The following CSTF3 variants were observed in gnomAD, a reference collection of about 807,000 sequenced individuals.
The protein encoded by CSTF3 is CF-1 77 kDa subunit.
In CSTF3, 29 loss-of-function variants were observed where a neutral mutation model predicts 105.8. The observed-to-expected ratio is 0.27, with a 90% confidence interval of 0.20 to 0.37. CSTF3 has a LOEUF of 0.37. CSTF3 is among the 10% of genes least tolerant of loss of function. CSTF3 has a pLI of 1.00. For missense variants in CSTF3, 357 were observed against 879.3 expected, an observed-to-expected ratio of 0.41 and a Z score of 7.51; for synonymous variants, 252 against 281.9, an observed-to-expected ratio of 0.89 and a Z score of 1.06.
At chr11:33,146,773 A>G (rs1355384019) in intron 1 of CSTF3, among the ~76,000 whole-genome samples, 3 of 152,168 alleles carry the variant, frequency 2.0e-5, no homozygotes, top group Admixed American at 6.6e-5. Context: ...ATATTCACTC[A>G]GTGCCTAGTA....
chr11:33,105,256 T>C (rs920574562), intron 8 of CSTF3, among the ~76,000 whole-genome samples: 4 of 152,218 alleles, frequency 2.6e-5, no homozygotes, highest in Admixed American at 1.3e-4. Context: ...AAAGGTACTA[T>C]TGGAAACATA....
At chr11:33,093,108 A>G (rs1270573266) in intron 15 of CSTF3, among the ~76,000 whole-genome samples, 1 of 152,222 alleles carries the variant, frequency 6.6e-6, no homozygotes, top group African/African-American at 2.4e-5. Flanking sequence ...AGAAAAATTA[A>G]CCCAGCAGAG....
chr11:33,113,206 A>AAAATAAATAAATAAATAAATAAAT, intron 3 of CSTF3, among the ~76,000 whole-genome samples: 1 of 147,252 alleles, frequency 6.8e-6, no homozygotes, highest in African/African-American at 2.5e-5. Context: ...ACTTTGTCTC[A>AAAATAAATAAATAAATAAATAAAT]AAATAAATAA....
At chr11:33,141,403 A>C in intron 3 of CSTF3, 1 of 1,200,800 alleles carries the variant, frequency 8.3e-7, no homozygotes, top group Non-Finnish European at 1.0e-6. Flanking sequence ...GACACATGAC[A>C]AGTAAATAAA....
chr11:33,149,631 C>G (rs1855831588), intron 1 of CSTF3, among the ~76,000 whole-genome samples: 1 of 152,164 alleles, frequency 6.6e-6, no homozygotes, highest in South Asian at 2.1e-4. Context: ...CAGAGTGGCT[C>G]CCAGTACTTT....
chr11:33,139,821 C>T, intron 3 of CSTF3, among the ~76,000 whole-genome samples: 1 of 151,988 alleles, frequency 6.6e-6, no homozygotes, highest in East Asian at 1.9e-4. Flanking sequence ...AGCAGCTCTT[C>T]ATTTCATTAT....
At chr11:33,147,937 A>G (rs1383296831) in intron 1 of CSTF3, among the ~76,000 whole-genome samples, 1 of 152,172 alleles carries the variant, frequency 6.6e-6, no homozygotes, top group East Asian at 1.9e-4. Context: ...GCCCTCTGAA[A>G]GAGGGAAAGG....
Position 33,151,257 on chromosome 11 carries a change from C to T in CSTF3, c.28-9271G>A, listed in dbSNP as rs147745143. 5.1e-3 allele frequency among the ~76,000 whole-genome samples: 780 copies of T among 152,236 alleles called. 6 individuals are homozygous for T. Among genetic ancestry groups the T allele is most frequent in the African/African-American group, 0.017 (725 of 41,562 alleles). On this transcript the variant is annotated intron_variant, in intron 1 of 20. Coordinates refer to ENST00000323959, the MANE Select transcript of CSTF3 (RefSeq NM_001326.3). Reference sequence around the variant, plus strand: ...CCAGGCTCGAATGCAGTGGCACAATCATGGCCCACTGCAGCCTCAACCTCC... The same window carrying T: ...CCAGGCTCGAATGCAGTGGCACAATTATGGCCCACTGCAGCCTCAACCTCC...
intron 17 of CSTF3, among the ~76,000 whole-genome samples, chr11:33,089,171 AC>A (rs1484854890): frequency 6.6e-6 from 1 of 151,654 alleles, no homozygotes; most frequent in Non-Finnish European, 1.5e-5. Flanking sequence ...ACATGGTGAA[AC>A]CCCATCTCCA....
chr11:33,093,881 T>A (rs566177397), intron 15 of CSTF3, among the ~76,000 whole-genome samples: 1 of 152,286 alleles, frequency 6.6e-6, no homozygotes, highest in African/African-American at 2.4e-5. Flanking sequence ...CTAGTTTTTA[T>A]ATTTTTAGTA....
chr11:33,093,645 T>A (rs944998556), intron 15 of CSTF3, among the ~76,000 whole-genome samples: 4 of 152,202 alleles, frequency 2.6e-5, no homozygotes, highest in African/African-American at 9.7e-5. Flanking sequence ...TTTTTTGTAC[T>A]AAGTCTTTGA....
At chr11:33,118,049 T>G (rs1855449619) in intron 3 of CSTF3, among the ~76,000 whole-genome samples, 1 of 151,754 alleles carries the variant, frequency 6.6e-6, no homozygotes, top group South Asian at 2.1e-4. Context: ...CAACATTTTC[T>G]TTTTTATCTC....
chr11:33,156,577 C>A, intron 1 of CSTF3: 1 of 380,488 alleles, frequency 2.6e-6, no homozygotes, highest in Non-Finnish European at 5.2e-6. Context: ...GAACTACCAG[C>A]AATTAATTTG....
At chr11:33,131,985 C>T (rs1009092722) in intron 3 of CSTF3, among the ~76,000 whole-genome samples, 2 of 152,022 alleles carry the variant, frequency 1.3e-5, no homozygotes, top group Non-Finnish European at 2.9e-5. Context: ...TTTATTGAGC[C>T]TATGTAGAGG....
chr11:33,128,015 T>A (rs1042755566), intron 3 of CSTF3, among the ~76,000 whole-genome samples: 1 of 152,190 alleles, frequency 6.6e-6, no homozygotes, highest in South Asian at 2.1e-4. Flanking sequence ...ATAAGCAATC[T>A]TTTTTCTGTA....
chr11:33,148,860 G>GTTT (rs551371475), intron 1 of CSTF3, among the ~76,000 whole-genome samples: 140 of 133,650 alleles, frequency 1.0e-3, no homozygotes, highest in South Asian at 3.4e-3. Flanking sequence ...CTGTTGCTGT[G>GTTT]TTTTTTTTTT....
intron 3 of CSTF3, among the ~76,000 whole-genome samples, chr11:33,128,617 G>A (rs987942383): frequency 4.0e-5 from 6 of 151,838 alleles, no homozygotes; most frequent in Admixed American, 2.0e-4. Flanking sequence ...AATTCTAGAT[G>A]AGCTAATGAC....
intron 3 of CSTF3, among the ~76,000 whole-genome samples, chr11:33,122,041 T>G (rs1213693510): frequency 6.6e-6 from 1 of 152,150 alleles, no homozygotes; most frequent in Non-Finnish European, 1.5e-5. Flanking sequence ...AAAACCACTT[T>G]CTGTTCTCCC....
In CSTF3 at chr11:33,099,174, A is replaced by G. The variant is rs766694377; in HGVS notation, c.937-24T>C. 5 of 1,567,698 alleles carry G rather than the reference A, an allele frequency of 3.2e-6. No individual in the cohort carries two copies. Among genetic ancestry groups the G allele is most frequent in the Non-Finnish European group, 4.3e-6 (5 of 1,167,244 alleles). ...TCCTGGTAGAAAAAAAAGAAAGCTC[A>G]TCTTCAATAATTTTAATATAGTTGT... On this transcript the variant is annotated intron_variant, in intron 11 of 20. Coordinates refer to ENST00000323959, the MANE Select transcript of CSTF3 (RefSeq NM_001326.3). The surrounding 1 kb of genome is among the most constrained non-coding windows in gnomAD (Gnocchi z 4.1).
Sources: gnomAD v4.1 joint callset for allele counts (sites outside exome capture counted in the v4.1 genomes callset) on GRCh38, gnomAD v4.1.1 for gene constraint, Gnocchi (gnomAD v3.1) non-coding constraint, MANE v1.5 for transcripts, NCBI Gene and HGNC (gene_info 2026-07-23, HGNC 2026-07-21) for gene names.